ANKH: variants seen among roughly 807,000 people sequenced by gnomAD.
ANKH encodes ANKH inorganic pyrophosphate transport regulator.
A neutral mutation model predicts 49.0 loss-of-function variants in ANKH; 15 were observed. The ratio of observed to expected loss-of-function variants is 0.31; its 90% CI spans 0.20 to 0.47. The LOEUF is 0.47. Ranked by LOEUF, ANKH falls within the 20% of genes least tolerant of loss-of-function variation. The probability of loss-of-function intolerance (pLI) is 1.00; values close to 1 mark genes in which losing one functional copy is unlikely to be tolerated. For missense variants in ANKH, 429 were observed against 652.0 expected, an observed-to-expected ratio of 0.66 and a Z score of 3.72; for synonymous variants, 273 against 260.0, an observed-to-expected ratio of 1.05 and a Z score of -0.48.
intron 1 of ANKH, among the ~76,000 whole-genome samples, chr5:14,854,341 G>A (rs1451506548): frequency 2.0e-5 from 3 of 152,116 alleles, no homozygotes; most frequent in Non-Finnish European, 4.4e-5. Flanking sequence ...AAATTAACAC[G>A]ACTGAAACAG....
At chr5:14,851,244 C>T (rs752124031) in intron 1 of ANKH, among the ~76,000 whole-genome samples, 4 of 152,178 alleles carry the variant, frequency 2.6e-5, no homozygotes, top group Non-Finnish European at 2.9e-5. Context: ...AGGCTATCTG[C>T]GGCTCTGCCT....
intron 1 of ANKH, among the ~76,000 whole-genome samples, chr5:14,827,974 C>G (rs1178635891): frequency 6.6e-6 from 1 of 152,210 alleles, no homozygotes; most frequent in Non-Finnish European, 1.5e-5. Context: ...TATCTCAGAT[C>G]ATACCACGTG....
rs1197800170 is a variant in ANKH at position 14,707,149 on chromosome 5, T to C, written c.*4048A>G. On this transcript the variant is annotated 3_prime_UTR_variant, in exon 12 of 12. Transcript: ENST00000284268. ...AAAGCTGGTACTAACCGGCACATGC[T>C]GTCCTGGGCACTGTTCTGCTGGGAG... 1.3e-5 allele frequency: 2 copies of C among 152,256 alleles called. No individual in the cohort carries two copies. Among genetic ancestry groups the C allele is most frequent in the Non-Finnish European group, 2.9e-5 (2 of 68,034 alleles). The allele number at this position is 152,256 out of a possible 1,614,324, so 9.4% of individuals were successfully genotyped here. A position where few individuals can be genotyped will look rare whatever the true frequency, so the allele number is the denominator to read the frequency against.
Position 14,716,928 on chromosome 5 carries a change from G to A in ANKH, c.1012-93C>T, listed in dbSNP as rs115293981. 3,877 of 1,527,378 alleles carry A rather than the reference G, an allele frequency of 2.5e-3. 74 individuals carry two copies. In the African/African-American group the frequency reaches 0.045, roughly 18 times the overall value. 94.6% of individuals were successfully genotyped at this position (1,527,378 alleles called of 1,614,324 possible). ...TGTGGCACAATCCTTGGAGAGTTAC[G>A]AAAGAGGGACAACCGGCCTGACTGG... On this transcript the variant is annotated intron_variant, in intron 8 of 11. Coordinates refer to ENST00000284268, the MANE Select transcript of ANKH (RefSeq NM_054027.6).
chr5:14,813,785 C>T (rs1309123851), intron 1 of ANKH, among the ~76,000 whole-genome samples: 1 of 152,210 alleles, frequency 6.6e-6, no homozygotes, highest in Non-Finnish European at 1.5e-5. Flanking sequence ...AAAACATGGA[C>T]AAGACCAAGC....
chr5:14,758,349 C>T, intron 3 of ANKH, 131 bp downstream of exon 3: 1 of 748,116 alleles, frequency 1.3e-6, no homozygotes. Flanking sequence ...ATTGGTTACA[C>T]AATAATGTGA....
At chr5:14,860,150 G>A (rs1042247375) in intron 1 of ANKH, among the ~76,000 whole-genome samples, 1 of 152,226 alleles carries the variant, frequency 6.6e-6, no homozygotes, top group Non-Finnish European at 1.5e-5. Context: ...TCCAGGCCAG[G>A]TGTCTTCTCA....
intron 1 of ANKH, among the ~76,000 whole-genome samples, chr5:14,837,361 TATA>T (rs1741685254): frequency 2.0e-5 from 3 of 152,154 alleles, no homozygotes; most frequent in Admixed American, 2.0e-4. Flanking sequence ...AGAAAATTTT[TATA>T]ATCTACCCAT....
intron 1 of ANKH, among the ~76,000 whole-genome samples, chr5:14,819,311 T>A (rs1311713144): frequency 6.6e-6 from 1 of 152,244 alleles, no homozygotes; most frequent in East Asian, 1.9e-4. Flanking sequence ...AATAGGCCGA[T>A]ACACAAGTCC....
At chr5:14,771,945 AAAC>A (rs779150405) in intron 1 of ANKH, among the ~76,000 whole-genome samples, 129 of 131,578 alleles carry the variant, frequency 9.8e-4, no homozygotes, top group Middle Eastern at 8.5e-3. Flanking sequence ...AAAAAAAAAA[AAAC>A]CAAAACAAAA....
At chr5:14,747,219 A>G in intron 6 of ANKH, among the ~76,000 whole-genome samples, 1 of 152,322 alleles carries the variant, frequency 6.6e-6, no homozygotes, top group South Asian at 2.1e-4. Context: ...GGCCCAATTT[A>G]GATTTTTAAT....
At chr5:14,738,460 TGTGGGAAAGC>T (rs1738252907) in intron 8 of ANKH, among the ~76,000 whole-genome samples, 1 of 151,914 alleles carries the variant, frequency 6.6e-6, no homozygotes, top group Non-Finnish European at 1.5e-5. Flanking sequence ...AGCAGCGGAG[TGTGGGAAAGC>T]GTGCTAACGT....
intron 1 of ANKH, among the ~76,000 whole-genome samples, chr5:14,841,767 C>T (rs1442266018): frequency 6.6e-6 from 1 of 152,172 alleles, no homozygotes; most frequent in African/African-American, 2.4e-5. Flanking sequence ...CCAGCAACCC[C>T]CATTCTACTT....
At chr5:14,712,638 C>T (rs1414038389) in intron 11 of ANKH, among the ~76,000 whole-genome samples, 1 of 152,240 alleles carries the variant, frequency 6.6e-6, no homozygotes, top group East Asian at 1.9e-4. Flanking sequence ...ACCTCTCTCC[C>T]CTTTGGCGCA....
intron 1 of ANKH, among the ~76,000 whole-genome samples, chr5:14,838,816 T>G (rs1431643493): frequency 3.3e-5 from 5 of 152,236 alleles, no homozygotes; most frequent in African/African-American, 1.2e-4. Flanking sequence ...TGAATTTTTC[T>G]GCCAGTGTAT....
chr5:14,823,950 A>T (rs1741267767), intron 1 of ANKH, among the ~76,000 whole-genome samples: 2 of 151,940 alleles, frequency 1.3e-5, no homozygotes, highest in Non-Finnish European at 2.9e-5. Flanking sequence ...CAAACAAACA[A>T]ATCTTTCTTT....
At chr5:14,756,418 A>G (rs80249026) in intron 3 of ANKH, among the ~76,000 whole-genome samples, 307 of 152,290 alleles carry the variant, frequency 2.0e-3, no homozygotes, top group African/African-American at 6.3e-3. Context: ...TTTGGGCAGG[A>G]TCTGACCTGA....
Position 14,711,140 on chromosome 5 carries a change from G to T in ANKH, c.*57C>A. 11 of 1,387,044 alleles carry T rather than the reference G, an allele frequency of 7.9e-6. No homozygotes were observed. Among genetic ancestry groups the T allele is most frequent in the Non-Finnish European group, 1.1e-5 (11 of 973,112 alleles). 85.9% of individuals were successfully genotyped at this position (1,387,044 alleles called of 1,614,324 possible). On this transcript the variant is annotated 3_prime_UTR_variant, in exon 12 of 12. Transcript: ENST00000284268. ...AAATACGATGGGAGAGGGAAGAGATGATGCCGAAGTGTCATCCTGACTGAC... is the reference window on the plus strand; with the variant it reads ...AAATACGATGGGAGAGGGAAGAGATTATGCCGAAGTGTCATCCTGACTGAC...
In ANKH at chr5:14,758,555, A is replaced by G. The variant is rs757828895; in HGVS notation, c.357T>C (p.His119=). 2.5e-5 allele frequency: 41 copies of G among 1,614,088 alleles called. 1 individual carries two copies. The South Asian group carries it at 3.5e-4, about 14-fold the overall frequency. The change falls in exon 3 of 12, where the codon CAT becomes CAC. Residue 119 remains histidine (H), a synonymous_variant. Coordinates refer to ENST00000284268, the MANE Select transcript of ANKH (RefSeq NM_054027.6). The stretch of plus-strand genomic sequence containing the variant: ...TCTTGCTCCCCACCGACTCGTCCAC[A>G]TGGTGCAGTTTATTGATAATGTAGT... ...LGYYIINKLH[H]VDESVGSKTR...
Sources: gnomAD v4.1 joint callset for allele counts (sites outside exome capture counted in the v4.1 genomes callset) on GRCh38, gnomAD v4.1.1 for gene constraint, MANE v1.5 for transcripts, NCBI Gene and HGNC (gene_info 2026-07-23, HGNC 2026-07-21) for gene names.